Variants in GALNT13 observed in about 807,000 individuals in gnomAD.
The protein encoded by GALNT13 is UDP-GalNAc:polypeptide N-acetylgalactosaminyltransferase 13.
Under a neutral mutation model 64.2 loss-of-function variants are expected in GALNT13, and 28 were observed. That is an observed-to-expected ratio of 0.44 (90% CI 0.32 to 0.60). The LOEUF (loss-of-function observed/expected upper bound fraction) is 0.60, where lower values mean the gene tolerates loss of function less well. Ranked by LOEUF, GALNT13 falls within the 20% of genes least tolerant of loss-of-function variation. The pLI, the probability that GALNT13 is intolerant of heterozygous loss-of-function variation, is 0.05. For synonymous variants in GALNT13, 214 were observed against 224.6 expected (o/e 0.95, Z 0.42); for missense variants, 577 against 669.8 (o/e 0.86, Z 1.53).
the GALNT13 span, among the ~76,000 whole-genome samples, chr2:153,094,965 G>T: frequency 1.3e-5 from 2 of 152,110 alleles, no homozygotes; most frequent in African/African-American, 4.8e-5. Context: ...TACCATTCAG[G>T]ACATAGGCAT....
At chr2:153,999,634 G>C (rs947425683) in intron 3 of GALNT13, among the ~76,000 whole-genome samples, 13 of 152,142 alleles carry the variant, frequency 8.5e-5, no homozygotes, top group African/African-American at 2.2e-4. Flanking sequence ...CTTTGTGTAT[G>C]ATGAACCATC....
At chr2:153,352,816 C>A in the GALNT13 span, among the ~76,000 whole-genome samples, 1 of 152,020 alleles carries the variant, frequency 6.6e-6, no homozygotes, top group South Asian at 2.1e-4. Flanking sequence ...ATCTTTTTGT[C>A]GGCTCTTTCA....
At chr2:153,330,869 A>G in the GALNT13 span, among the ~76,000 whole-genome samples, 1 of 152,162 alleles carries the variant, frequency 6.6e-6, no homozygotes, top group Non-Finnish European at 1.5e-5. Context: ...TCTCAAGGGA[A>G]TGCTTTCAAC....
the GALNT13 span, among the ~76,000 whole-genome samples, chr2:153,862,948 G>C: frequency 1.3e-5 from 2 of 152,188 alleles, no homozygotes; most frequent in African/African-American, 2.4e-5. Flanking sequence ...GTAGTCAACT[G>C]TTCCTACTGG....
chr2:154,354,617 CTT>C (rs748220614), intron 9 of GALNT13, among the ~76,000 whole-genome samples: 1 of 105,506 alleles, frequency 9.5e-6, no homozygotes, highest in Non-Finnish European at 2.2e-5. Context: ...TTCAATCTCA[CTT>C]TTTTTTTTTT....
chr2:154,384,486 A>G (rs928935462), intron 9 of GALNT13, among the ~76,000 whole-genome samples: 1 of 151,898 alleles, frequency 6.6e-6, no homozygotes, highest in African/African-American at 2.4e-5. Flanking sequence ...TATATAATAT[A>G]TCTCTAAGAA....
chr2:154,236,040 C>A, intron 4 of GALNT13: 2 of 1,242,832 alleles, frequency 1.6e-6, no homozygotes, highest in Non-Finnish European at 2.1e-6. Context: ...ATTTATAAAT[C>A]AACAGCTAAT....
the GALNT13 span, among the ~76,000 whole-genome samples, chr2:153,677,956 T>C: frequency 6.6e-6 from 1 of 151,942 alleles, no homozygotes; most frequent in Non-Finnish European, 1.5e-5. Context: ...AATACCATTC[T>C]GGACATAGGT....
At chr2:153,842,888 G>A in the GALNT13 span, among the ~76,000 whole-genome samples, 1 of 151,978 alleles carries the variant, frequency 6.6e-6, no homozygotes, top group Non-Finnish European at 1.5e-5. Flanking sequence ...TCAAGAAACT[G>A]GCCCATATAA....
chr2:154,209,425 A>G (rs949576961), intron 4 of GALNT13, among the ~76,000 whole-genome samples: 13 of 152,212 alleles, frequency 8.5e-5, no homozygotes, highest in Non-Finnish European at 4.4e-5. Flanking sequence ...GATGGACCTT[A>G]GGTTAATAAC....
At chr2:154,069,551 C>T (rs1445587657) in intron 3 of GALNT13, among the ~76,000 whole-genome samples, 1 of 151,786 alleles carries the variant, frequency 6.6e-6, no homozygotes, top group Non-Finnish European at 1.5e-5. Context: ...TATATTTAAG[C>T]ATGTTTCTTT....
At chr2:153,203,342 T>C in the GALNT13 span, among the ~76,000 whole-genome samples, 2 of 152,180 alleles carry the variant, frequency 1.3e-5, no homozygotes, top group African/African-American at 4.8e-5. Context: ...TGTTATAAAT[T>C]GAAAGCAATA....
the GALNT13 span, among the ~76,000 whole-genome samples, chr2:153,758,815 C>A: frequency 6.6e-6 from 1 of 152,134 alleles, no homozygotes; most frequent in Non-Finnish European, 1.5e-5. Flanking sequence ...TGGTCTTGAA[C>A]TCCTGTGCTC....
the GALNT13 span, among the ~76,000 whole-genome samples, chr2:153,843,334 C>T: frequency 6.6e-6 from 1 of 152,270 alleles, no homozygotes; most frequent in East Asian, 1.9e-4. Context: ...TGGAGAGTGC[C>T]ACACACTTTT....
At chr2:153,356,805 T>C in the GALNT13 span, among the ~76,000 whole-genome samples, 2 of 138,360 alleles carry the variant, frequency 1.4e-5, no homozygotes, top group South Asian at 5.0e-4. Flanking sequence ...TTTTTTTTTT[T>C]TTTTTTTTTT....
intron 3 of GALNT13, among the ~76,000 whole-genome samples, chr2:153,968,700 T>C (rs2105118808): frequency 6.6e-6 from 1 of 152,326 alleles, no homozygotes; most frequent in South Asian, 2.1e-4. Flanking sequence ...TAGACTGGAT[T>C]ATTGGTATTG....
chr2:153,883,456 A>G (rs1168502235), intron 1 of GALNT13, among the ~76,000 whole-genome samples: 1 of 152,108 alleles, frequency 6.6e-6, no homozygotes, highest in Non-Finnish European at 1.5e-5. Flanking sequence ...GTGTCAGGGT[A>G]GAATTAAGAC....
intron 9 of GALNT13, among the ~76,000 whole-genome samples, chr2:154,363,684 T>C (rs1268959296): frequency 6.6e-6 from 1 of 152,204 alleles, no homozygotes; most frequent in Non-Finnish European, 1.5e-5. Context: ...TGAAGCTCTT[T>C]TGGAATAAAT....
the GALNT13 span, among the ~76,000 whole-genome samples, chr2:153,417,031 G>C: frequency 1.3e-5 from 2 of 152,196 alleles, no homozygotes; most frequent in Non-Finnish European, 2.9e-5. Context: ...TCAGAAGTAG[G>C]GATCACAAAT....
Sources: allele counts gnomAD v4.1 joint callset (sites outside exome capture counted in the v4.1 genomes callset), GRCh38; gene constraint gnomAD v4.1.1; transcripts MANE v1.5; gene names NCBI Gene and HGNC (gene_info 2026-07-23, HGNC 2026-07-21).